Variants in MEI4 observed in about 807,000 individuals in gnomAD.
MEI4 encodes meiosis-specific protein MEI4.
In MEI4, 27 loss-of-function variants were observed where a neutral mutation model predicts 31.4. The observed-to-expected ratio is 0.86, with a 90% CI of 0.63 to 1.19. The LOEUF (loss-of-function observed/expected upper bound fraction) is 1.19, where lower values mean the gene tolerates loss of function less well. MEI4 is among the 50% of genes most tolerant of loss of function. MEI4 has a pLI of 0.00. For synonymous variants in MEI4, 122 were observed against 145.4 expected, an observed-to-expected ratio of 0.84 and a Z score of 1.16; for missense variants, 329 against 398.9, an observed-to-expected ratio of 0.82 and a Z score of 1.49.
intron 1 of MEI4, among the ~76,000 whole-genome samples, chr6:77,684,662 G>A (rs1324210506): frequency 6.8e-6 from 1 of 146,596 alleles, no homozygotes; most frequent in Non-Finnish European, 1.5e-5. Flanking sequence ...TTCCATCCAT[G>A]TTGTTGCAAA....
At chr6:77,803,657 A>C (rs965360414) in intron 3 of MEI4, among the ~76,000 whole-genome samples, 1 of 151,984 alleles carries the variant, frequency 6.6e-6, no homozygotes, top group Non-Finnish European at 1.5e-5. Context: ...TTTGGTGTGG[A>C]TGTCCTTTCT....
chr6:77,674,384 T>TA (rs1156931308), intron 1 of MEI4, among the ~76,000 whole-genome samples: 1 of 152,216 alleles, frequency 6.6e-6, no homozygotes, highest in Non-Finnish European at 1.5e-5. Flanking sequence ...GTCATTTCAG[T>TA]AAACAGTGGT....
chr6:77,650,281 T>C (rs1282323389), upstream of MEI4, among the ~76,000 whole-genome samples: 3 of 152,146 alleles, frequency 2.0e-5, no homozygotes, highest in African/African-American at 7.2e-5. Context: ...GCTGGAGTTA[T>C]TTTCTCTGGA....
intron 3 of MEI4, among the ~76,000 whole-genome samples, chr6:77,801,965 T>C (rs1769274869): frequency 6.6e-6 from 1 of 152,082 alleles, no homozygotes; most frequent in Non-Finnish European, 1.5e-5. Context: ...GGGTGGAGAG[T>C]TCTGTAGATG....
intron 4 of MEI4, among the ~76,000 whole-genome samples, chr6:77,857,892 T>A (rs1770781103): frequency 6.6e-6 from 1 of 152,230 alleles, no homozygotes; most frequent in South Asian, 2.1e-4. Context: ...CATAGTGATG[T>A]TCAAGTCACT....
intron 2 of MEI4, among the ~76,000 whole-genome samples, chr6:77,743,177 T>C (rs893994711): frequency 1.3e-5 from 2 of 152,212 alleles, no homozygotes; most frequent in African/African-American, 4.8e-5. Flanking sequence ...GGTAGATTGA[T>C]GGGGATAGCA....
At chr6:77,870,053 C>G (rs1771154051) in intron 4 of MEI4, among the ~76,000 whole-genome samples, 1 of 152,038 alleles carries the variant, frequency 6.6e-6, no homozygotes, top group South Asian at 2.1e-4. Context: ...TTATCACCCA[C>G]TAAAGAGAGG....
intron 4 of MEI4, among the ~76,000 whole-genome samples, chr6:77,913,574 A>G (rs1211602962): frequency 6.6e-6 from 1 of 151,992 alleles, no homozygotes; most frequent in African/African-American, 2.4e-5. Flanking sequence ...TTGTTAATGT[A>G]TAGTTGTTCA....
intron 3 of MEI4, among the ~76,000 whole-genome samples, chr6:77,796,598 A>T (rs2127698246): frequency 6.6e-6 from 1 of 152,306 alleles, no homozygotes; most frequent in Middle Eastern, 3.4e-3. Context: ...ACATCAAGGA[A>T]GCAATCCCAT....
rs530188939 is a variant in MEI4, at chr6:77,898,938, A to G, written c.901-24151A>G. Reference sequence around the variant, plus strand: ...AAGGTTTCAATTTTAAAGGACAGAAATGGAAGAAGGGAACTCTGGCATAGT... The same window carrying G: ...AAGGTTTCAATTTTAAAGGACAGAAGTGGAAGAAGGGAACTCTGGCATAGT... On this transcript the variant is annotated intron_variant, in intron 4 of 4. Coordinates refer to ENST00000684080, the MANE Select transcript of MEI4 (RefSeq NM_001322247.2). Among the ~76,000 whole-genome samples the G allele has an allele frequency of 2.0e-5, 3 of 152,172 alleles. No homozygotes were observed. In the East Asian group the frequency reaches 5.8e-4, roughly 29 times the overall value.
At chr6:77,919,203 C>A (rs1237844811) in intron 4 of MEI4, among the ~76,000 whole-genome samples, 1 of 151,974 alleles carries the variant, frequency 6.6e-6, no homozygotes, top group Admixed American at 6.6e-5. Flanking sequence ...ACATTTTTTT[C>A]AGCACCACAC....
chr6:77,829,080 CTG>C lies in MEI4; in HGVS notation c.900+20_900+21del. On this transcript the variant is annotated intron_variant, in intron 4 of 4. Coordinates refer to ENST00000684080, the MANE Select transcript of MEI4 (RefSeq NM_001322247.2). ...TCAATCAGGTACACATAACTTGAAA[CTG>C]TAGTTCTCATATATAGTTATTGTAA... is the stretch of plus-strand genomic sequence containing the variant. The C allele has an allele frequency of 8.1e-7, 1 of 1,229,806 alleles. No homozygotes were observed. The allele number at this position is 1,229,806 out of a possible 1,614,324, so 76.2% of individuals were successfully genotyped here. A position where few individuals can be genotyped will look rare whatever the true frequency, so the allele number is the denominator to read the frequency against.
intron 1 of MEI4, among the ~76,000 whole-genome samples, chr6:77,682,500 A>T (rs1258010329): frequency 6.6e-6 from 1 of 152,200 alleles, no homozygotes; most frequent in African/African-American, 2.4e-5. Context: ...AGGATGTCTT[A>T]TTGAGTGAAG....
chr6:77,823,571 A>G (rs978510430), intron 3 of MEI4, among the ~76,000 whole-genome samples: 1 of 152,182 alleles, frequency 6.6e-6, no homozygotes, highest in Non-Finnish European at 1.5e-5. Context: ...GGTTATTTCT[A>G]AAGTTTTATA....
chr6:77,803,522 C>G (rs181635747), intron 3 of MEI4, among the ~76,000 whole-genome samples: 2 of 152,210 alleles, frequency 1.3e-5, no homozygotes, highest in East Asian at 3.9e-4. Context: ...TGAGGAACTT[C>G]GTTCCTTTGG....
At chr6:77,736,524 G>T (rs150607638) in intron 2 of MEI4, among the ~76,000 whole-genome samples, 1 of 151,946 alleles carries the variant, frequency 6.6e-6, no homozygotes, top group Non-Finnish European at 1.5e-5. Context: ...ACTGACCTGC[G>T]CCCACTGTCT....
chr6:77,765,717 G>C lies in MEI4; in HGVS notation c.768+4052G>C, dbSNP rs974617376. Among the ~76,000 whole-genome samples, 5 of 150,368 alleles carry C rather than the reference G, an allele frequency of 3.3e-5. 1 individual carries two copies. The South Asian group carries it at 1.0e-3, about 31-fold the overall frequency. ...TACCCAAAGGATTATAAATCATGCT[G>C]CTATAAAGACACATGCACACATATG... is the stretch of plus-strand genomic sequence containing the variant. On this transcript the variant is annotated intron_variant, in intron 3 of 4. Transcript: ENST00000684080.
chr6:77,740,919 A>T (rs1767383861), intron 2 of MEI4, among the ~76,000 whole-genome samples: 1 of 152,208 alleles, frequency 6.6e-6, no homozygotes, highest in Non-Finnish European at 1.5e-5. Flanking sequence ...ACCCTGAAGA[A>T]CCTCGTCTTT....
chr6:77,838,366 C>T (rs533647190), intron 4 of MEI4, among the ~76,000 whole-genome samples: 1 of 152,048 alleles, frequency 6.6e-6, no homozygotes, highest in African/African-American at 2.4e-5. Flanking sequence ...ACTGTCTTTT[C>T]TGAATTTCAT....
Sources: allele counts gnomAD v4.1 joint callset (sites outside exome capture counted in the v4.1 genomes callset), GRCh38; gene constraint gnomAD v4.1.1; transcripts MANE v1.5; gene names NCBI Gene and HGNC (gene_info 2026-07-23, HGNC 2026-07-21).